The following CD320 variants were observed in gnomAD, a reference collection of about 807,000 sequenced individuals.
CD320 encodes CD320 antigen.
A neutral mutation model predicts 22.1 loss-of-function variants in CD320; 16 were observed. That is an observed-to-expected ratio of 0.73 (90% CI 0.49 to 1.10). CD320 has a LOEUF of 1.10. Ranked by LOEUF, CD320 falls within the 50% of genes least tolerant of loss-of-function variation. The pLI is 0.00. For missense variants in CD320, 388 were observed against 376.9 expected, an observed-to-expected ratio of 1.03 and a Z score of -0.24; for synonymous variants, 188 against 167.8, an observed-to-expected ratio of 1.12 and a Z score of -0.93.
At chr19:8,307,465 G>A (rs1970108384) in intron 1 of CD320, among the ~76,000 whole-genome samples, 1 of 152,030 alleles carries the variant, frequency 6.6e-6, no homozygotes, top group Non-Finnish European at 1.5e-5. Flanking sequence ...CTGAGCCCAG[G>A]GCTGCAAGTT....
chr19:8,303,796 A>G (rs1970045093), intron 3 of CD320, 59 bp downstream of exon 3: 3 of 1,204,448 alleles, frequency 2.5e-6, no homozygotes, highest in Non-Finnish European at 3.6e-6. Context: ...GCCACGCCCC[A>G]GCAGGCAGTG....
At chr19:8,304,194 C>CA (rs3214909) in intron 2 of CD320, 106 bp from the exon 3 acceptor site, 55 of 646,096 alleles carry the variant, frequency 8.5e-5, no homozygotes, top group Non-Finnish European at 1.1e-4. Context: ...CAGCTGAGCC[C>CA]AAAAAAATGC....
intron 3 of CD320, 133 bp from the exon 4 acceptor site, chr19:8,303,113 T>A (rs930085288): frequency 9.6e-6 from 6 of 624,350 alleles, no homozygotes; most frequent in African/African-American, 5.9e-5. Flanking sequence ...CGTAATTATG[T>A]CTTTTTTTTT....
In CD320 at chr19:8,304,080, G is replaced by T; in HGVS notation, c.277C>A (p.Pro93Thr). 1 of 1,517,716 alleles carries T rather than the reference G, an allele frequency of 6.6e-7. No homozygotes were observed. Among genetic ancestry groups the T allele is most frequent in the Non-Finnish European group, 9.0e-7 (1 of 1,115,556 alleles). 94.0% of individuals were successfully genotyped at this position (1,517,716 alleles called of 1,614,324 possible). Reference protein sequence around the residue: ...GSDEEECRIEPCTQKGQCPPP... With the variant: ...GSDEEECRIETCTQKGQCPPP... The stretch of plus-strand genomic sequence containing the variant: ...GGGCATTGCCCTTTCTGGGTACATG[G>T]CTCAATCCCTGGGGCACAGGGTTGG... Residue 93 changes from proline (P) to threonine (T), a missense_variant, in exon 3 of 5, where the codon CCA becomes ACA. By Grantham distance (38) the Pro-to-Thr change is conservative. Coordinates refer to ENST00000301458, the MANE Select transcript of CD320 (RefSeq NM_016579.4).
chr19:8,304,221 C>T (rs891908590), intron 2 of CD320, 133 bp from the exon 3 acceptor site: 6 of 619,508 alleles, frequency 9.7e-6, no homozygotes, highest in South Asian at 7.9e-5. Context: ...CCTAAGGCTC[C>T]GCCCCCTGCA....
Position 8,302,387 on chromosome 19 carries a change from T to TA in CD320, c.*75dup, listed in dbSNP as rs776831886. ...GTCTCTGAGGGCTGGTGTGCCCGGGTACCCATCCGCATCACTGCTCTCCTC... is the reference window on the plus strand; with the variant it reads ...GTCTCTGAGGGCTGGTGTGCCCGGGTAACCCATCCGCATCACTGCTCTCCTC... On this transcript the variant is annotated 3_prime_UTR_variant, in exon 5 of 5. Coordinates refer to ENST00000301458, the MANE Select transcript of CD320 (RefSeq NM_016579.4). The TA allele has an allele frequency of 2.5e-6, 4 of 1,575,754 alleles. 1 individual carries two copies. In the South Asian group the frequency reaches 4.4e-5, roughly 18 times the overall value.
At chr19:8,303,692 G>T (rs1346120110) in intron 3 of CD320, among the ~76,000 whole-genome samples, 163 bp downstream of exon 3, 1 of 152,164 alleles carries the variant, frequency 6.6e-6, no homozygotes, top group Non-Finnish European at 1.5e-5. Context: ...TGGGATTACA[G>T]GCGTGAGCCA....
Position 8,308,242 on chromosome 19 carries a change from G to C in CD320, c.49C>G (p.Leu17Val), listed in dbSNP as rs1408079449. ...AQVGAWRTGA[L>V]GLALLLLLGL... is the part of the protein sequence containing the mutation. ...AGCAGCAGCAGCAGCGCCAGGCCCA[G>C]AGCCCCTGTTCGCCACGCTCCAACC... The change falls in exon 1 of 5, where the codon CTG (leucine) becomes GTG (valine). Residue 17 changes from leucine (L) to valine (V), a missense_variant. Transcript: ENST00000301458. The C allele has an allele frequency of 6.3e-7, 1 of 1,583,156 alleles. No individual in the cohort carries two copies. The highest frequency in any genetic ancestry group is 1.7e-5 in the Admixed American group (1 of 58,108).
chr19:8,303,923 C>A lies in CD320; in HGVS notation c.434G>T (p.Cys145Phe), dbSNP rs773940394. The change falls in exon 3 of 5, where the codon TGC becomes TTC. Residue 145 changes from cysteine to phenylalanine, a missense_variant. Transcript: ENST00000301458. Reference sequence around the variant, plus strand: ...GTCGCAGCGCCACGTGAGTGGAATGCAGTCATCGCTCAGCGTGCAACGGAG... The same window carrying A: ...GTCGCAGCGCCACGTGAGTGGAATGAAGTCATCGCTCAGCGTGCAACGGAG... ...GELRCTLSDDCIPLTWRCDGH... is the reference protein window; with the variant it reads ...GELRCTLSDDFIPLTWRCDGH... 1.2e-6 allele frequency: 2 copies of A among 1,604,634 alleles called. No individual in the cohort carries two copies. Among genetic ancestry groups the A allele is most frequent in the Non-Finnish European group, 1.7e-6 (2 of 1,175,914 alleles).
intron 1 of CD320, 42 bp from the exon 2 acceptor site, chr19:8,305,198 G>A (rs1224926663): frequency 6.4e-7 from 1 of 1,555,804 alleles, no homozygotes; most frequent in African/African-American, 1.4e-5. Flanking sequence ...GCTGGAGGCT[G>A]GACCTTTCTC....
intron 1 of CD320, 83 bp from the exon 2 acceptor site, chr19:8,305,239 G>T (rs1307351390): frequency 1.3e-6 from 2 of 1,497,016 alleles, no homozygotes; most frequent in African/African-American, 1.4e-5. Flanking sequence ...GCTGTGATCC[G>T]CAGGAGACAG....
chr19:8,306,977 G>T (rs1203114813), intron 1 of CD320, among the ~76,000 whole-genome samples: 3 of 152,080 alleles, frequency 2.0e-5, no homozygotes, highest in Non-Finnish European at 4.4e-5. Flanking sequence ...GGGGTATGCT[G>T]GGAATCCCTA....
At position 8,305,028 on chromosome 19, in the gene CD320, C is replaced by G. The variant is rs560802595; in HGVS notation, c.268+3G>C. The stretch of plus-strand genomic sequence containing the variant: ...AGCCCCGCCAAGGGGCGTGGCCACT[C>G]ACTGCACTCCTCCTCATCGCTGCCA... On this transcript the variant is annotated splice_donor_region_variant and intron_variant, in intron 2 of 4. Coordinates refer to ENST00000301458, the MANE Select transcript of CD320 (RefSeq NM_016579.4). The G allele has an allele frequency of 1.2e-6, 2 of 1,605,882 alleles. No individual in the cohort carries two copies. Among genetic ancestry groups the G allele is most frequent in the Admixed American group, 1.7e-5 (1 of 59,992 alleles).
chr19:8,303,198 C>T (rs1466911476), intron 3 of CD320, among the ~76,000 whole-genome samples: 2 of 147,142 alleles, frequency 1.4e-5, no homozygotes, highest in African/African-American at 5.0e-5. Context: ...CTCAGTGAAA[C>T]CTCTGCCTCC....
intron 2 of CD320, 51 bp from the exon 3 acceptor site, chr19:8,304,139 G>C: frequency 2.1e-6 from 2 of 964,380 alleles, no homozygotes; most frequent in Non-Finnish European, 3.2e-6. Context: ...GAAGGCCCAG[G>C]TACTCCCTGA....
chr19:8,307,648 G>T (rs1163638011), intron 1 of CD320, among the ~76,000 whole-genome samples: 1 of 152,138 alleles, frequency 6.6e-6, no homozygotes, highest in Non-Finnish European at 1.5e-5. Context: ...GCAGTAGCAT[G>T]GGGGGGAGAG....
At chr19:8,303,833 C>T in intron 3 of CD320, 22 bp downstream of exon 3, 3 of 1,534,728 alleles carry the variant, frequency 2.0e-6, no homozygotes, top group Non-Finnish European at 2.7e-6. Context: ...CACGAGTCCA[C>T]CCCAGCCCCG....
chr19:8,303,114 CTTTTT>C (rs909856646), intron 3 of CD320, 134 bp from the exon 4 acceptor site: 1,134 of 516,820 alleles, frequency 2.2e-3, no homozygotes, highest in East Asian at 2.7e-3. Context: ...GTAATTATGT[CTTTTT>C]TTTTTTTTTT....
chr19:8,302,949 G>A lies in CD320; in HGVS notation c.534C>T (p.Ala178=), dbSNP rs1970031401. The A allele has an allele frequency of 1.9e-6, 3 of 1,614,046 alleles. No individual in the cohort carries two copies. Among genetic ancestry groups the A allele is most frequent in the Admixed American group, 1.7e-5 (1 of 59,994 alleles). Residue 178 remains alanine (A), a synonymous_variant, in exon 4 of 5, where the codon GCC becomes GCT. Transcript: ENST00000301458. ...GTNEILPEGD[A]TTMGPPVTLE... The stretch of plus-strand genomic sequence containing the variant: ...GGGTCACAGGGGGCCCCATGGTTGT[G>A]GCATCCCCTTCCGGGAGGATCTCAT...
Sources: gnomAD v4.1 joint callset for allele counts (sites outside exome capture counted in the v4.1 genomes callset) on GRCh38, gnomAD v4.1.1 for gene constraint, MANE v1.5 for transcripts, NCBI Gene and HGNC (gene_info 2026-07-23, HGNC 2026-07-21) for gene names.